SCHIP1: variants seen among roughly 807,000 people sequenced by gnomAD.
SCHIP1 encodes schwannomin-interacting protein 1.
In SCHIP1, 8 loss-of-function variants were observed where a neutral mutation model predicts 29.7. That is an observed-to-expected ratio of 0.27 (90% CI 0.16 to 0.49). SCHIP1 has a LOEUF of 0.49. SCHIP1 is among the 20% of genes least tolerant of loss of function. SCHIP1 has a pLI of 0.99. For missense variants in SCHIP1, 193 were observed against 294.6 expected, an observed-to-expected ratio of 0.66 and a Z score of 2.52; for synonymous variants, 76 against 94.9, an observed-to-expected ratio of 0.80 and a Z score of 1.16.
the SCHIP1 span, among the ~76,000 whole-genome samples, chr3:159,827,088 A>C: frequency 6.6e-6 from 1 of 152,240 alleles, no homozygotes; most frequent in Non-Finnish European, 1.5e-5. Context: ...TAAGTAACTC[A>C]AATGTTTTTG....
At chr3:159,320,870 T>TG in the SCHIP1 span, among the ~76,000 whole-genome samples, 1 of 147,284 alleles carries the variant, frequency 6.8e-6, no homozygotes, top group Non-Finnish European at 1.5e-5. Context: ...AAAAAAAAGG[T>TG]GGTATCATCT....
At chr3:159,869,679 C>T (rs1011927803) in intron 2 of SCHIP1, among the ~76,000 whole-genome samples, 2 of 151,872 alleles carry the variant, frequency 1.3e-5, no homozygotes, top group African/African-American at 4.8e-5. Flanking sequence ...AAGTATGCTG[C>T]CTGTTACGGC....
At chr3:159,567,830 G>T in the SCHIP1 span, among the ~76,000 whole-genome samples, 83 of 151,916 alleles carry the variant, frequency 5.5e-4, no homozygotes, top group Non-Finnish European at 1.1e-3. Flanking sequence ...TATAATCCTT[G>T]TTTTCAAGTA....
chr3:159,645,755 G>T, the SCHIP1 span, among the ~76,000 whole-genome samples: 1 of 152,080 alleles, frequency 6.6e-6, no homozygotes, highest in African/African-American at 2.4e-5. Context: ...TGAGCAAAAA[G>T]AAATAGGACT....
At chr3:159,346,955 T>TC in the SCHIP1 span, among the ~76,000 whole-genome samples, 1 of 152,124 alleles carries the variant, frequency 6.6e-6, no homozygotes. Flanking sequence ...CAGACAAGGA[T>TC]CCACTCATAG....
the SCHIP1 span, among the ~76,000 whole-genome samples, chr3:159,725,480 G>T: frequency 6.6e-6 from 1 of 151,972 alleles, no homozygotes; most frequent in Non-Finnish European, 1.5e-5. Context: ...TCTTGGTCAG[G>T]TCTCGAACTC....
At chr3:159,357,896 G>A in the SCHIP1 span, among the ~76,000 whole-genome samples, 11 of 152,330 alleles carry the variant, frequency 7.2e-5, no homozygotes, top group South Asian at 1.4e-3. Context: ...TGCAGGAAGT[G>A]CCATGAGGGA....
the SCHIP1 span, among the ~76,000 whole-genome samples, chr3:159,336,719 A>C: frequency 6.6e-6 from 1 of 152,170 alleles, no homozygotes; most frequent in Non-Finnish European, 1.5e-5. Context: ...GTTTTGGTAC[A>C]GTACCGTGCT....
At chr3:159,398,762 T>G in the SCHIP1 span, 1 of 152,590 alleles carries the variant, frequency 6.6e-6, no homozygotes, top group Non-Finnish European at 1.5e-5. Context: ...GTTTCTGGCT[T>G]GGTTGATTGG....
At chr3:159,400,294 G>T in the SCHIP1 span, among the ~76,000 whole-genome samples, 3 of 152,212 alleles carry the variant, frequency 2.0e-5, no homozygotes, top group Non-Finnish European at 4.4e-5. Context: ...ACATCAAAGT[G>T]GTAGGGGAGA....
chr3:159,383,175 C>G, the SCHIP1 span, among the ~76,000 whole-genome samples: 1 of 150,274 alleles, frequency 6.7e-6, no homozygotes, highest in African/African-American at 2.5e-5. Context: ...GACATGAAGT[C>G]CTTGCCCATG....
At chr3:159,635,462 G>A in the SCHIP1 span, among the ~76,000 whole-genome samples, 1 of 152,154 alleles carries the variant, frequency 6.6e-6, no homozygotes, top group African/African-American at 2.4e-5. Context: ...TATGCATAGT[G>A]AAATACCATT....
chr3:159,278,943 C>T, the SCHIP1 span, among the ~76,000 whole-genome samples: 1 of 152,074 alleles, frequency 6.6e-6, no homozygotes, highest in Non-Finnish European at 1.5e-5. Context: ...CAACACATGG[C>T]TCTCAAGACC....
chr3:159,808,019 C>G, the SCHIP1 span, among the ~76,000 whole-genome samples: 1 of 152,144 alleles, frequency 6.6e-6, no homozygotes, highest in East Asian at 1.9e-4. Flanking sequence ...TGGCTCAGCC[C>G]TCAAGTTGTT....
At chr3:159,292,130 A>G in the SCHIP1 span, among the ~76,000 whole-genome samples, 4 of 152,226 alleles carry the variant, frequency 2.6e-5, no homozygotes, top group East Asian at 7.7e-4. Context: ...AGATATTGAA[A>G]TTCTAGGGGT....
chr3:159,799,028 T>C, the SCHIP1 span, among the ~76,000 whole-genome samples: 1 of 152,142 alleles, frequency 6.6e-6, no homozygotes, highest in Non-Finnish European at 1.5e-5. Flanking sequence ...TGTATGCAAA[T>C]GAGAGGAGTT....
At chr3:159,363,001 T>C in the SCHIP1 span, among the ~76,000 whole-genome samples, 1 of 152,184 alleles carries the variant, frequency 6.6e-6, no homozygotes, top group African/African-American at 2.4e-5. Flanking sequence ...AGAGCCTCAG[T>C]AACAGCCACT....
chr3:159,390,623 T>G, the SCHIP1 span, among the ~76,000 whole-genome samples: 3 of 152,166 alleles, frequency 2.0e-5, no homozygotes, highest in African/African-American at 7.2e-5. Flanking sequence ...GAATAGCCCT[T>G]AAAATATTTT....
the SCHIP1 span, among the ~76,000 whole-genome samples, chr3:159,463,590 C>T: frequency 1.3e-5 from 2 of 152,192 alleles, no homozygotes; most frequent in Middle Eastern, 6.8e-3. Context: ...CATTATGTTA[C>T]ATAATACTGA....
Sources: gnomAD v4.1 joint callset for allele counts (sites outside exome capture counted in the v4.1 genomes callset) on GRCh38, gnomAD v4.1.1 for gene constraint, MANE v1.5 for transcripts, NCBI Gene and HGNC (gene_info 2026-07-23, HGNC 2026-07-21) for gene names.